The following SPATA17 variants were observed in gnomAD, a reference collection of about 807,000 sequenced individuals.
SPATA17 encodes spermatogenesis-associated protein 17.
SPATA17 carries 53 observed loss-of-function variants against 62.2 expected under a neutral mutation model. The ratio of observed to expected loss-of-function variants is 0.85; its 90% CI spans 0.68 to 1.07. The LOEUF (loss-of-function observed/expected upper bound fraction) is 1.07, where lower values mean the gene tolerates loss of function less well. Ranked by LOEUF, SPATA17 falls within the 50% of genes least tolerant of loss-of-function variation. The probability of loss-of-function intolerance (pLI) is 0.00; values close to 1 mark genes in which losing one functional copy is unlikely to be tolerated. For missense variants in SPATA17, 466 were observed against 425.5 expected, an observed-to-expected ratio of 1.10 and a Z score of -0.84; for synonymous variants, 146 against 146.8, an observed-to-expected ratio of 0.99 and a Z score of 0.04.
At chr1:217,750,156 C>A (rs1432377840) in intron 6 of SPATA17, among the ~76,000 whole-genome samples, 3 of 151,366 alleles carry the variant, frequency 2.0e-5, no homozygotes, top group South Asian at 2.1e-4. Flanking sequence ...AGATGTATTT[C>A]TTTCTCCTAT....
chr1:217,793,541 C>T (rs1674059215), intron 8 of SPATA17, among the ~76,000 whole-genome samples: 1 of 152,130 alleles, frequency 6.6e-6, no homozygotes, highest in East Asian at 1.9e-4. Context: ...GTCAGGATTG[C>T]TTAACTGCAT....
At chr1:217,683,005 A>G (rs770839968) in intron 4 of SPATA17, among the ~76,000 whole-genome samples, 1 of 151,976 alleles carries the variant, frequency 6.6e-6, no homozygotes, top group Non-Finnish European at 1.5e-5. Flanking sequence ...ATAGTTTAGT[A>G]TTCTGTGAGA....
At chr1:217,744,462 CAAAAA>C (rs766645844) in intron 6 of SPATA17, among the ~76,000 whole-genome samples, 1 of 30,598 alleles carries the variant, frequency 3.3e-5, no homozygotes, top group Non-Finnish European at 7.9e-5. Context: ...GACTCCGTCT[CAAAAA>C]AAAAAAAAAA....
At chr1:217,714,002 C>G (rs1671935844) in intron 5 of SPATA17, among the ~76,000 whole-genome samples, 1 of 152,020 alleles carries the variant, frequency 6.6e-6, no homozygotes, top group African/African-American at 2.4e-5. Flanking sequence ...AGAAAGCAAC[C>G]AGGAATTTTA....
intron 3 of SPATA17, among the ~76,000 whole-genome samples, chr1:217,668,698 C>G (rs1670763321): frequency 6.6e-6 from 1 of 152,146 alleles, no homozygotes; most frequent in African/African-American, 2.4e-5. Context: ...GTGAATAAAT[C>G]ATACAATACT....
In SPATA17 at chr1:217,852,693, T is replaced by C. The variant is rs149129013; in HGVS notation, c.1006-10081T>C. On this transcript the variant is annotated intron_variant, in intron 9 of 10. Transcript: ENST00000366933. ...GAAAACTTTCCCCCCCAAAAAATCA[T>C]AGAGCAAATAAATCAATCTTTCTAG... 2.5e-3 allele frequency among the ~76,000 whole-genome samples: 373 copies of C among 152,232 alleles called. 2 individuals carry two copies. The highest frequency in any genetic ancestry group is 8.7e-3 in the African/African-American group (361 of 41,554).
In SPATA17 at chr1:217,774,454, C is replaced by G. The variant is rs1472784476; in HGVS notation, c.640C>G (p.Leu214Val). 1.2e-6 allele frequency: 2 copies of G among 1,613,988 alleles called. No homozygotes were observed. The highest frequency in any genetic ancestry group is 8.5e-7 in the Non-Finnish European group (1 of 1,180,010). ...AGTTAAGCAGAAGGACTCCACCAGC[C>G]TTACTGATTGGCTAGCTTGTACAAG... Reference protein sequence around the residue: ...PKVKQKDSTSLTDWLACTSAR... With the variant: ...PKVKQKDSTSVTDWLACTSAR... Residue 214 changes from leucine to valine, a missense_variant, in exon 7 of 11, where the codon CTT becomes GTT. By Grantham distance (32) the Leu-to-Val change is conservative (BLOSUM62 1). Transcript: ENST00000366933.
At chr1:217,865,635 C>A (rs1044753983) in intron 10 of SPATA17, among the ~76,000 whole-genome samples, 1 of 152,146 alleles carries the variant, frequency 6.6e-6, no homozygotes, top group South Asian at 2.1e-4. Flanking sequence ...GTTTTGCCAT[C>A]CTTTTAGCTC....
chr1:217,669,123 T>C (rs553933922), intron 4 of SPATA17, 40 bp downstream of exon 4: 3 of 1,573,170 alleles, frequency 1.9e-6, no homozygotes, highest in Admixed American at 1.7e-5. Flanking sequence ...GAAAAGTCAA[T>C]TGTGCCCTGA....
intron 9 of SPATA17, among the ~76,000 whole-genome samples, chr1:217,855,620 C>T (rs926624845): frequency 8.6e-5 from 13 of 151,860 alleles, no homozygotes; most frequent in Non-Finnish European, 1.3e-4. Flanking sequence ...ACAAGGAACT[C>T]GATCATTTAT....
At chr1:217,815,380 A>G (rs986092164) in intron 9 of SPATA17, among the ~76,000 whole-genome samples, 1 of 152,170 alleles carries the variant, frequency 6.6e-6, no homozygotes, top group African/African-American at 2.4e-5. Context: ...GGAGAATTCG[A>G]ATGGATATTT....
chr1:217,804,718 A>T (rs1276950462), intron 9 of SPATA17, among the ~76,000 whole-genome samples: 1 of 152,222 alleles, frequency 6.6e-6, no homozygotes, highest in Non-Finnish European at 1.5e-5. Context: ...TCTTTTAAAA[A>T]TGGGCAAAAG....
intron 6 of SPATA17, among the ~76,000 whole-genome samples, chr1:217,753,272 T>G (rs939638811): frequency 6.6e-6 from 1 of 152,212 alleles, no homozygotes; most frequent in Admixed American, 6.5e-5. Context: ...ACTCCATTCA[T>G]GTACTATGTG....
At chr1:217,800,856 T>C (rs1409667460) in intron 8 of SPATA17, among the ~76,000 whole-genome samples, 4 of 152,222 alleles carry the variant, frequency 2.6e-5, no homozygotes, top group Non-Finnish European at 5.9e-5. Context: ...TTAAAAAGAT[T>C]TATTTACTCT....
chr1:217,755,137 G>T (rs1181585697), intron 6 of SPATA17, among the ~76,000 whole-genome samples: 3 of 151,886 alleles, frequency 2.0e-5, no homozygotes, highest in African/African-American at 4.8e-5. Context: ...AACAAAAAAA[G>T]AGGAATTCCA....
intron 3 of SPATA17, among the ~76,000 whole-genome samples, chr1:217,663,619 G>A (rs1247729256): frequency 6.6e-6 from 1 of 151,870 alleles, no homozygotes; most frequent in Admixed American, 6.6e-5. Flanking sequence ...AAAAACTCAG[G>A]CTCATCAGAT....
At chr1:217,714,613 A>G (rs1276938785) in intron 5 of SPATA17, among the ~76,000 whole-genome samples, 1 of 150,760 alleles carries the variant, frequency 6.6e-6, no homozygotes, top group East Asian at 2.0e-4. Context: ...GCCTCCGAGT[A>G]GCTGGGACTA....
intron 1 of SPATA17, among the ~76,000 whole-genome samples, chr1:217,638,152 T>C (rs1006808383): frequency 3.3e-5 from 5 of 152,104 alleles, no homozygotes; most frequent in African/African-American, 4.8e-5. Context: ...TTTTTCTTTT[T>C]TCATTAAAAA....
At chr1:217,779,290 C>G (rs375731800) in intron 7 of SPATA17, among the ~76,000 whole-genome samples, 74 of 151,540 alleles carry the variant, frequency 4.9e-4, no homozygotes, top group African/African-American at 1.6e-3. Context: ...TATATACACA[C>G]ATATACTCCT....
Sources: allele counts gnomAD v4.1 joint callset (sites outside exome capture counted in the v4.1 genomes callset), GRCh38; gene constraint gnomAD v4.1.1; transcripts MANE v1.5; gene names NCBI Gene and HGNC (gene_info 2026-07-23, HGNC 2026-07-21).